The following CENPS variants were observed in gnomAD, a reference collection of about 807,000 sequenced individuals.
CENPS encodes centromere protein S.
In CENPS, 16 loss-of-function variants were observed where a neutral mutation model predicts 17.9. The ratio of observed to expected loss-of-function variants is 0.90; its 90% CI spans 0.61 to 1.36. The LOEUF (loss-of-function observed/expected upper bound fraction) is 1.36, where lower values mean the gene tolerates loss of function less well. Ranked by LOEUF, CENPS falls within the 40% of genes most tolerant of loss-of-function variation. The probability of loss-of-function intolerance (pLI) is 0.00; values close to 1 mark genes in which losing one functional copy is unlikely to be tolerated. For synonymous variants in CENPS, 49 were observed against 55.8 expected, an observed-to-expected ratio of 0.88 and a Z score of 0.54; for missense variants, 160 against 158.6, an observed-to-expected ratio of 1.01 and a Z score of -0.05.
intron 3 of CENPS, 74 bp from the exon 4 acceptor site, chr1:10,440,273 G>A (rs1428662842): frequency 7.7e-6 from 12 of 1,567,126 alleles, no homozygotes; most frequent in African/African-American, 2.7e-5. Flanking sequence ...AAGTCTGACC[G>A]TGAACTTCTG....
At chr1:10,430,651 G>T (rs1007985875) in intron 1 of CENPS, 83 bp downstream of exon 1, 66 of 1,476,980 alleles carry the variant, frequency 4.5e-5, no homozygotes, top group Middle Eastern at 2.4e-4. Flanking sequence ...AGCCCCCGGC[G>T]GCTTCTCATC....
chr1:10,441,555 C>G (rs1640411856), intron 4 of CENPS, among the ~76,000 whole-genome samples: 1 of 149,644 alleles, frequency 6.7e-6, no homozygotes, highest in Non-Finnish European at 1.5e-5. Flanking sequence ...CTCAAATGAT[C>G]TGCTTGCCCT....
Position 10,434,110 on chromosome 1 carries a change from C to G in CENPS, c.175+145C>G, listed in dbSNP as rs1324645331. 6 of 1,462,320 alleles carry G rather than the reference C, an allele frequency of 4.1e-6. No individual in the cohort carries two copies. The East Asian group carries it at 1.4e-4, about 34-fold the overall frequency. 90.6% of individuals were successfully genotyped at this position (1,462,320 alleles called of 1,614,324 possible). ...CTCATGCGTTCTTCGTGAAACACTTCTCTTCTTGGCTGTGAGATGTGGATA... is the reference window on the plus strand; with the variant it reads ...CTCATGCGTTCTTCGTGAAACACTTGTCTTCTTGGCTGTGAGATGTGGATA... On this transcript the variant is annotated intron_variant, in intron 2 of 4. Coordinates refer to ENST00000309048, the MANE Select transcript of CENPS (RefSeq NM_199294.3).
intron 3 of CENPS, chr1:10,440,022 TCTGTGGCCTTAG>T (rs994875863): frequency 9.6e-5 from 31 of 323,100 alleles, no homozygotes; most frequent in Non-Finnish European, 1.6e-4. Context: ...TCTTGATTTT[TCTGTGGCCTTAG>T]CTGTGGCCAA....
rs536665298 is a variant in CENPS at position 10,438,156 on chromosome 1, GT to G, written c.210-2185del. Among the ~76,000 whole-genome samples the G allele has an allele frequency of 9.2e-4, 140 of 151,646 alleles. 1 individual carries two copies. Among genetic ancestry groups the G allele is most frequent in the African/African-American group, 3.2e-3 (132 of 41,336 alleles). ...ATTTTTGTTTTGTTTTGTTTTGTTT[GT>G]TTTTTGAGACGGAGTCTCACTCTGT... is the stretch of plus-strand genomic sequence containing the variant. On this transcript the variant is annotated intron_variant, in intron 3 of 4. Coordinates refer to ENST00000309048, the MANE Select transcript of CENPS (RefSeq NM_199294.3).
chr1:10,434,019 A>G, intron 2 of CENPS, 54 bp downstream of exon 2: 1 of 1,609,258 alleles, frequency 6.2e-7, no homozygotes, highest in Non-Finnish European at 8.5e-7. Flanking sequence ...GGTTGATTTC[A>G]CCTGGGAGCA....
At chr1:10,437,301 A>G (rs572573853) in intron 3 of CENPS, among the ~76,000 whole-genome samples, 3 of 152,040 alleles carry the variant, frequency 2.0e-5, no homozygotes, top group East Asian at 3.9e-4. Context: ...TATTACAGGC[A>G]TGAGCTGAGC....
chr1:10,431,030 A>G (rs1570014637), intron 1 of CENPS: 18 of 1,337,010 alleles, frequency 1.3e-5, no homozygotes, highest in Non-Finnish European at 1.6e-5. Flanking sequence ...AGTCAGGCCC[A>G]GAGCTCGTCC....
rs33919161 is a variant in CENPS, at chr1:10,442,250, AT to A, written c.277-5del. On this transcript the variant is annotated splice_polypyrimidine_tract_variant and intron_variant, in intron 4 of 4. Coordinates refer to ENST00000309048, the MANE Select transcript of CENPS (RefSeq NM_199294.3). Reference sequence around the variant, plus strand: ...TGGTTACAGCCAGATATAAATACAGATTTTTTTTTTATAGCTAAAATACATC... The same window carrying A: ...TGGTTACAGCCAGATATAAATACAGATTTTTTTTTATAGCTAAAATACATC... The A allele has an allele frequency of 0.91, 1,413,484 of 1,553,858 alleles. 643,967 individuals are homozygous for A. The highest frequency in any genetic ancestry group is 0.97 in the Middle Eastern group (5,655 of 5,860).
chr1:10,439,167 T>A (rs545544959), intron 3 of CENPS, among the ~76,000 whole-genome samples: 109 of 152,342 alleles, frequency 7.2e-4, no homozygotes, highest in African/African-American at 2.0e-3. Flanking sequence ...TGGAGAATAA[T>A]TTCTGTGTTG....
intron 1 of CENPS, chr1:10,430,955 G>T (rs1639881028): frequency 7.9e-7 from 1 of 1,258,592 alleles, no homozygotes; most frequent in Non-Finnish European, 1.0e-6. Flanking sequence ...TCGGGCCGGA[G>T]CTCTGGAACG....
chr1:10,441,313 C>CTTTTTTT (rs747986112), intron 4 of CENPS, among the ~76,000 whole-genome samples: 10 of 109,564 alleles, frequency 9.1e-5, no homozygotes, highest in Non-Finnish European at 1.3e-4. Context: ...TGTGCCACAA[C>CTTTTTTT]TTTTTTTTTT....
At chr1:10,435,406 T>A (rs986270910) in intron 3 of CENPS, among the ~76,000 whole-genome samples, 6 of 152,034 alleles carry the variant, frequency 3.9e-5, no homozygotes, top group African/African-American at 1.4e-4. Flanking sequence ...GTTAGCTCTT[T>A]GTTTCTCGGG....
intron 4 of CENPS, among the ~76,000 whole-genome samples, chr1:10,441,910 C>T (rs567349884): frequency 4.5e-4 from 68 of 152,114 alleles, no homozygotes; most frequent in Middle Eastern, 3.4e-3. Context: ...CAGGCGTGAG[C>T]CACCGCACCC....
chr1:10,433,987 A>G, intron 2 of CENPS, 22 bp downstream of exon 2: 1 of 1,613,930 alleles, frequency 6.2e-7, no homozygotes, highest in Non-Finnish European at 8.5e-7. Flanking sequence ...CGGCCTCCCC[A>G]GCCATGTCTG....
At chr1:10,430,988 C>G in intron 1 of CENPS, 1 of 1,282,286 alleles carries the variant, frequency 7.8e-7, no homozygotes, top group Non-Finnish European at 9.9e-7. Context: ...GCGTCGACCC[C>G]TCGTTACTGA....
Position 10,440,413 on chromosome 1 carries a change from G to A in CENPS, c.276G>A (p.Leu92=). The change falls in exon 4 of 5, where the codon CTG becomes CTA. Residue 92 remains leucine, a splice_region_variant and synonymous_variant. Coordinates refer to ENST00000309048, the MANE Select transcript of CENPS (RefSeq NM_199294.3). ...TCTTAGCCAGGAGGAGTAATTCACT[G>A]GTGAGAGATGAATTTCTTTCCTCAC... is the stretch of plus-strand genomic sequence containing the variant. ...VKLLARRSNS[L]LKYITDKSEE... is the part of the protein sequence containing the mutation. 5 of 1,613,764 alleles carry A rather than the reference G, an allele frequency of 3.1e-6. No homozygotes were observed. Among genetic ancestry groups the A allele is most frequent in the Non-Finnish European group, 4.2e-6 (5 of 1,179,894 alleles).
intron 1 of CENPS, 112 bp downstream of exon 1, chr1:10,430,680 G>A: frequency 1.4e-6 from 2 of 1,430,146 alleles, no homozygotes; most frequent in Admixed American, 3.0e-5. Flanking sequence ...GCCCCCGGGC[G>A]CCCCCCGCGG....
intron 3 of CENPS, among the ~76,000 whole-genome samples, chr1:10,437,475 T>TTTTTTTTTTTG (rs71583869): frequency 4.8e-5 from 7 of 145,964 alleles, no homozygotes; most frequent in Admixed American, 1.4e-4. Flanking sequence ...TTTTTGTTTT[T>TTTTTTTTTTTG]AGATGGAGTC....
Sources: allele counts gnomAD v4.1 joint callset (sites outside exome capture counted in the v4.1 genomes callset), GRCh38; gene constraint gnomAD v4.1.1; transcripts MANE v1.5; gene names NCBI Gene and HGNC (gene_info 2026-07-23, HGNC 2026-07-21).